The following EPB41L2 variants were observed in gnomAD, a reference collection of about 807,000 sequenced individuals.
The protein encoded by EPB41L2 is erythrocyte membrane protein band 4.1 like 2.
EPB41L2 carries 43 observed loss-of-function variants against 113.0 expected under a neutral mutation model. The observed-to-expected ratio is 0.38, with a 90% CI of 0.30 to 0.49. The LOEUF is 0.49. Among genes scored for constraint, EPB41L2 ranks in the 20% least tolerant of loss-of-function variants. The pLI, the probability that EPB41L2 is intolerant of heterozygous loss-of-function variation, is 0.95. For synonymous variants in EPB41L2, 442 were observed against 436.7 expected (o/e 1.01, Z -0.15); for missense variants, 1,147 against 1,223.4 (o/e 0.94, Z 0.93).
At chr6:130,842,825 C>A (rs927244103) in intron 19 of EPB41L2, among the ~76,000 whole-genome samples, 1 of 152,158 alleles carries the variant, frequency 6.6e-6, no homozygotes, top group Non-Finnish European at 1.5e-5. Context: ...GAGAAAAAGA[C>A]ATAGTTACCC....
chr6:130,841,426 TG>T (rs928900259), intron 19 of EPB41L2, among the ~76,000 whole-genome samples: 1 of 152,074 alleles, frequency 6.6e-6, no homozygotes, highest in African/African-American at 2.4e-5. Context: ...AGGAAGGGTT[TG>T]TCATGGTGTG....
At chr6:130,972,419 T>C (rs1777067032) in intron 1 of EPB41L2, among the ~76,000 whole-genome samples, 2 of 148,810 alleles carry the variant, frequency 1.3e-5, no homozygotes, top group African/African-American at 5.0e-5. Context: ...GGAAGCAACA[T>C]AAATGTAAAG....
At chr6:130,934,053 A>C (rs1183049991) in intron 3 of EPB41L2, among the ~76,000 whole-genome samples, 1 of 152,234 alleles carries the variant, frequency 6.6e-6, no homozygotes, top group Non-Finnish European at 1.5e-5. Context: ...AAGGCCAAGG[A>C]AAGAAAGGTA....
chr6:130,897,857 T>C (rs1001983489), intron 8 of EPB41L2, among the ~76,000 whole-genome samples: 2 of 152,162 alleles, frequency 1.3e-5, no homozygotes, highest in African/African-American at 4.8e-5. Context: ...TTTATGTAGC[T>C]GTAAAATTAA....
At chr6:131,025,851 C>A (rs1790747702) in intron 1 of EPB41L2, among the ~76,000 whole-genome samples, 2 of 152,122 alleles carry the variant, frequency 1.3e-5, no homozygotes, top group African/African-American at 4.8e-5. Context: ...AATCTTGGTC[C>A]ACTTCAAATT....
intron 1 of EPB41L2, among the ~76,000 whole-genome samples, chr6:131,060,638 T>C (rs1290088436): frequency 1.3e-5 from 2 of 152,192 alleles, no homozygotes; most frequent in Non-Finnish European, 2.9e-5. Context: ...ACAAAACTCA[T>C]TTGGAAACCT....
intron 1 of EPB41L2, among the ~76,000 whole-genome samples, chr6:131,023,764 G>GAT (rs1562754204): frequency 7.0e-5 from 8 of 113,556 alleles, no homozygotes; most frequent in African/African-American, 2.6e-4. Context: ...TAGATATATA[G>GAT]ATATATAGAT....
chr6:130,874,339 T>G (rs1237140844), intron 14 of EPB41L2, among the ~76,000 whole-genome samples: 1 of 150,870 alleles, frequency 6.6e-6, no homozygotes, highest in African/African-American at 2.4e-5. Context: ...TTTGGAAAAG[T>G]GGTCAAATTA....
At chr6:130,914,318 C>T (rs930211028) in intron 4 of EPB41L2, among the ~76,000 whole-genome samples, 8 of 151,934 alleles carry the variant, frequency 5.3e-5, no homozygotes, top group African/African-American at 1.7e-4. Flanking sequence ...TTTATATATC[C>T]ATAGGTGATG....
chr6:131,026,571 T>G (rs950802008), intron 1 of EPB41L2, among the ~76,000 whole-genome samples: 1 of 152,232 alleles, frequency 6.6e-6, no homozygotes, highest in Admixed American at 6.5e-5. Flanking sequence ...AACTCTGGGC[T>G]AAAGAGAACT....
intron 14 of EPB41L2, among the ~76,000 whole-genome samples, chr6:130,873,396 A>G (rs1283705626): frequency 1.3e-5 from 2 of 152,150 alleles, no homozygotes; most frequent in Non-Finnish European, 2.9e-5. Flanking sequence ...GTCAATATTC[A>G]AGAGTCATCA....
chr6:130,917,640 C>T (rs1801551655), intron 4 of EPB41L2, among the ~76,000 whole-genome samples: 1 of 152,154 alleles, frequency 6.6e-6, no homozygotes, highest in Non-Finnish European at 1.5e-5. Context: ...TGGAGCTGAG[C>T]CCAATCTCTC....
chr6:131,046,171 C>T (rs1795429748), intron 1 of EPB41L2, among the ~76,000 whole-genome samples: 1 of 151,096 alleles, frequency 6.6e-6, no homozygotes, highest in Non-Finnish European at 1.5e-5. Context: ...CCTCCTGCCT[C>T]AGCCTCCCAA....
At position 130,923,899 on chromosome 6, in the gene EPB41L2, C is replaced by T. The variant is rs2128546921; in HGVS notation, c.810+2706G>A. ...TTAATATACAGTTGAGTAATGTAAA[C>T]TACATTCTCATTGTCCAACAGAGCT... is the stretch of plus-strand genomic sequence containing the variant. On this transcript the variant is annotated intron_variant, in intron 4 of 19. Coordinates refer to ENST00000337057, the MANE Select transcript of EPB41L2 (RefSeq NM_001431.4). Among the ~76,000 whole-genome samples, 3 of 152,264 alleles carry T rather than the reference C, an allele frequency of 2.0e-5. No homozygotes were observed. In the South Asian group the frequency reaches 6.2e-4, roughly 32 times the overall value.
intron 1 of EPB41L2, among the ~76,000 whole-genome samples, chr6:131,051,692 CTGAGG>C (rs1320867095): frequency 6.6e-6 from 1 of 152,060 alleles, no homozygotes; most frequent in South Asian, 2.1e-4. Flanking sequence ...TCTTTGAGGA[CTGAGG>C]TGAGAGAAAG....
chr6:130,872,821 G>A (rs761074749), intron 14 of EPB41L2, among the ~76,000 whole-genome samples: 3 of 152,040 alleles, frequency 2.0e-5, no homozygotes, highest in South Asian at 2.1e-4. Context: ...CCACCCAAAC[G>A]CCATTTCATA....
intron 3 of EPB41L2, among the ~76,000 whole-genome samples, chr6:130,944,583 A>G (rs1812140903): frequency 6.6e-6 from 1 of 152,228 alleles, no homozygotes; most frequent in South Asian, 2.1e-4. Flanking sequence ...ACAAGTTCCA[A>G]GGAAGAAAAG....
chr6:130,875,960 G>A (rs546490923), intron 14 of EPB41L2, among the ~76,000 whole-genome samples: 10 of 151,138 alleles, frequency 6.6e-5, no homozygotes, highest in East Asian at 3.9e-4. Context: ...ACTCCAGCCC[G>A]GGCGAATGTG....
intron 1 of EPB41L2, among the ~76,000 whole-genome samples, chr6:130,971,607 A>G (rs759770275): frequency 8.5e-5 from 13 of 152,242 alleles, no homozygotes; most frequent in Non-Finnish European, 1.9e-4. Context: ...CACATCCTGC[A>G]CAGGATGGAG....
Sources: gnomAD v4.1 joint callset for allele counts (sites outside exome capture counted in the v4.1 genomes callset) on GRCh38, gnomAD v4.1.1 for gene constraint, MANE v1.5 for transcripts, NCBI Gene and HGNC (gene_info 2026-07-23, HGNC 2026-07-21) for gene names.